Variants in NCKAP5 observed in about 807,000 individuals in gnomAD.
NCKAP5 encodes the protein nck-associated protein 5.
A neutral mutation model predicts 167.0 loss-of-function variants in NCKAP5; 92 were observed. That is an observed-to-expected ratio of 0.55 (90% CI 0.47 to 0.66). The LOEUF (loss-of-function observed/expected upper bound fraction) is 0.66, where lower values mean the gene tolerates loss of function less well. Ranked by LOEUF, NCKAP5 falls within the 30% of genes least tolerant of loss-of-function variation. The pLI, the probability that NCKAP5 is intolerant of heterozygous loss-of-function variation, is 0.00. For synonymous variants in NCKAP5, 891 were observed against 877.4 expected (o/e 1.02, Z -0.27); for missense variants, 2,378 against 2,315.0 (o/e 1.03, Z -0.56).
rs58216510 is a variant in NCKAP5 at position 133,385,365 on chromosome 2, G to A, written c.70-82255C>T. 4.2e-3 allele frequency among the ~76,000 whole-genome samples: 640 copies of A among 152,302 alleles called. 9 individuals are homozygous for A. Among genetic ancestry groups the A allele is most frequent in the African/African-American group, 0.015 (614 of 41,560 alleles). On this transcript the variant is annotated intron_variant, in intron 3 of 19. Coordinates refer to ENST00000409261, the MANE Select transcript of NCKAP5 (RefSeq NM_207363.3). The stretch of plus-strand genomic sequence containing the variant: ...GGATTATGTTTTTTGATTTGCATAT[G>A]TTGAACCAGCCTTGCATCCCAGGGA...
chr2:133,379,798 C>T (rs1450479925), intron 3 of NCKAP5, among the ~76,000 whole-genome samples: 1 of 152,156 alleles, frequency 6.6e-6, no homozygotes, highest in Non-Finnish European at 1.5e-5. Flanking sequence ...TAAAATGCAG[C>T]TGTCATTTAT....
chr2:133,566,652 A>T (rs1688574823), intron 1 of NCKAP5, among the ~76,000 whole-genome samples: 1 of 152,234 alleles, frequency 6.6e-6, no homozygotes, highest in South Asian at 2.1e-4. Flanking sequence ...GAAGTGGGAC[A>T]CATGCTGGAA....
intron 6 of NCKAP5, among the ~76,000 whole-genome samples, chr2:133,003,410 T>C (rs1272362784): frequency 1.3e-5 from 2 of 152,188 alleles, no homozygotes; most frequent in South Asian, 2.1e-4. Context: ...AAATTGTTCA[T>C]GTGGAAAATG....
chr2:133,502,540 A>G lies in NCKAP5; in HGVS notation c.69+14918T>C, dbSNP rs189562433. 1.4e-3 allele frequency among the ~76,000 whole-genome samples: 208 copies of G among 152,204 alleles called. 1 individual carries two copies. The highest frequency in any genetic ancestry group is 5.0e-3 in the African/African-American group (206 of 41,526). On this transcript the variant is annotated intron_variant, in intron 3 of 19. Transcript: ENST00000409261. ...GTCCTGAGATTCATCCCAGTCTTAA[A>G]ATCTATTCAGTCTTCTACCCTCTTT...
intron 19 of NCKAP5, among the ~76,000 whole-genome samples, chr2:132,699,860 G>A (rs1687711512): frequency 6.6e-6 from 1 of 152,170 alleles, no homozygotes; most frequent in Admixed American, 6.5e-5. Context: ...TGGGATGGCT[G>A]GGTCAAATGA....
At chr2:133,115,804 TATA>T (rs2082059614) in intron 6 of NCKAP5, among the ~76,000 whole-genome samples, 1 of 109,722 alleles carries the variant, frequency 9.1e-6, no homozygotes, top group African/African-American at 4.6e-5. Flanking sequence ...TATATATATA[TATA>T]TATATATATA....
chr2:132,895,346 C>CAAAAAAAA (rs563409400), intron 8 of NCKAP5, among the ~76,000 whole-genome samples: 1 of 71,928 alleles, frequency 1.4e-5, no homozygotes, highest in Non-Finnish European at 3.6e-5. Flanking sequence ...GACTCTGTCT[C>CAAAAAAAA]AAAAAAAAAA....
chr2:133,589,012 G>T, the NCKAP5 span, among the ~76,000 whole-genome samples: 1 of 152,194 alleles, frequency 6.6e-6, no homozygotes, highest in Non-Finnish European at 1.5e-5. Context: ...TGCAGACAAG[G>T]TAGCAACTCT....
intron 3 of NCKAP5, among the ~76,000 whole-genome samples, chr2:133,458,762 A>AG (rs1283293382): frequency 6.6e-6 from 1 of 152,192 alleles, no homozygotes; most frequent in African/African-American, 2.4e-5. Flanking sequence ...GGGGATGAAG[A>AG]GGAGGCTGAT....
intron 3 of NCKAP5, among the ~76,000 whole-genome samples, chr2:133,454,960 C>T (rs1691756191): frequency 6.6e-6 from 1 of 151,998 alleles, no homozygotes; most frequent in Admixed American, 6.6e-5. Context: ...TGAGAAAATA[C>T]ATTGGCATGA....
At chr2:132,789,738 A>T (rs1179177013) in intron 13 of NCKAP5, among the ~76,000 whole-genome samples, 1 of 152,218 alleles carries the variant, frequency 6.6e-6, no homozygotes. Flanking sequence ...AGTAATTATT[A>T]AAAATCCTGG....
chr2:132,764,505 C>G (rs1558738036), intron 16 of NCKAP5, among the ~76,000 whole-genome samples: 1 of 152,200 alleles, frequency 6.6e-6, no homozygotes, highest in Admixed American at 6.5e-5. Context: ...TACTAATCTA[C>G]AGTACCTCTT....
At chr2:132,722,995 A>T (rs931829160) in intron 19 of NCKAP5, among the ~76,000 whole-genome samples, 5 of 149,664 alleles carry the variant, frequency 3.3e-5, no homozygotes, top group Non-Finnish European at 7.4e-5. Context: ...TGTCTTATTT[A>T]AAAAAAAAAT....
intron 6 of NCKAP5, among the ~76,000 whole-genome samples, chr2:133,092,010 C>A (rs1454034803): frequency 1.3e-5 from 2 of 152,128 alleles, no homozygotes; most frequent in African/African-American, 4.8e-5. Context: ...TTACAATACC[C>A]ATTTCAATGG....
At chr2:133,376,436 T>A (rs1686150145) in intron 3 of NCKAP5, among the ~76,000 whole-genome samples, 1 of 152,160 alleles carries the variant, frequency 6.6e-6, no homozygotes, top group South Asian at 2.1e-4. Flanking sequence ...CCACCAAGTT[T>A]TTTTGCTTCT....
intron 5 of NCKAP5, among the ~76,000 whole-genome samples, chr2:133,175,208 T>A (rs76729763): frequency 6.6e-6 from 1 of 152,238 alleles, no homozygotes; most frequent in Non-Finnish European, 1.5e-5. Context: ...GGTTTTTCTA[T>A]TGGATCCTTG....
intron 6 of NCKAP5, among the ~76,000 whole-genome samples, chr2:133,020,464 A>C (rs2078488650): frequency 6.6e-6 from 1 of 152,252 alleles, no homozygotes; most frequent in Admixed American, 6.5e-5. Flanking sequence ...TTCAGGAGTC[A>C]ACAGGACTTA....
intron 3 of NCKAP5, among the ~76,000 whole-genome samples, chr2:133,484,098 T>C (rs976079112): frequency 6.6e-6 from 1 of 152,180 alleles, no homozygotes; most frequent in Non-Finnish European, 1.5e-5. Context: ...AAAAAGGCCC[T>C]TGCATGATGG....
intron 3 of NCKAP5, among the ~76,000 whole-genome samples, chr2:133,306,773 T>C (rs1393315514): frequency 2.6e-5 from 4 of 152,216 alleles, no homozygotes; most frequent in Non-Finnish European, 5.9e-5. Context: ...TTTGGTGTAT[T>C]GGCACTGAAT....
Sources: allele counts gnomAD v4.1 joint callset (sites outside exome capture counted in the v4.1 genomes callset), GRCh38; gene constraint gnomAD v4.1.1; transcripts MANE v1.5; gene names NCBI Gene and HGNC (gene_info 2026-07-23, HGNC 2026-07-21).